CEP120: variants seen among roughly 807,000 people sequenced by gnomAD.
The protein encoded by CEP120 is centrosomal protein of 120 kDa.
Under a neutral mutation model 126.5 loss-of-function variants are expected in CEP120, and 113 were observed. The ratio of observed to expected loss-of-function variants is 0.89; its 90% CI spans 0.77 to 1.04. The LOEUF (loss-of-function observed/expected upper bound fraction) is 1.04. Ranked by LOEUF, CEP120 falls within the 50% of genes least tolerant of loss-of-function variation. The pLI is 0.00. For missense variants in CEP120, 1,230 were observed against 1,155.7 expected, an observed-to-expected ratio of 1.06 and a Z score of -0.93; for synonymous variants, 400 against 394.3, an observed-to-expected ratio of 1.01 and a Z score of -0.17.
chr5:123,355,733 G>T (rs1769558166), intron 18 of CEP120, among the ~76,000 whole-genome samples: 1 of 151,762 alleles, frequency 6.6e-6, no homozygotes, highest in Non-Finnish European at 1.5e-5. Flanking sequence ...TCTGTAGGTT[G>T]CCTGTTCACT....
Position 123,423,062 on chromosome 5 carries a change from G to A in CEP120, c.-64C>T. On this transcript the variant is annotated 5_prime_UTR_variant, in exon 1 of 20. Transcript: ENST00000306467. ...GGAAGTGAGGTCCAGTTGAGTCGCG[G>A]GTAATCCGGGACCCCCGGCGGGACC... 3.5e-6 allele frequency: 5 copies of A among 1,412,954 alleles called. No individual in the cohort carries two copies. Among genetic ancestry groups the A allele is most frequent in the Non-Finnish European group, 5.0e-6 (5 of 1,000,590 alleles). The allele number at this position is 1,412,954 out of a possible 1,614,324, so 87.5% of individuals were successfully genotyped here.
chr5:123,368,025 C>A (rs923506711), intron 17 of CEP120, among the ~76,000 whole-genome samples: 1 of 151,846 alleles, frequency 6.6e-6, no homozygotes, highest in African/African-American at 2.4e-5. Context: ...CTTAAACATG[C>A]TGGATGAATG....
At chr5:123,389,258 G>A (rs562921120) in intron 8 of CEP120, among the ~76,000 whole-genome samples, 1 of 152,130 alleles carries the variant, frequency 6.6e-6, no homozygotes, top group East Asian at 1.9e-4. Context: ...GATCAAAAAT[G>A]GTTATTATGA....
intron 9 of CEP120, among the ~76,000 whole-genome samples, chr5:123,387,972 ATTATAATACAG>A (rs1233911836): frequency 6.6e-6 from 1 of 152,078 alleles, no homozygotes; most frequent in Non-Finnish European, 1.5e-5. Flanking sequence ...ATGAGCTCCC[ATTATAATACAG>A]TTTTATAGAA....
chr5:123,355,493 T>G (rs528357908), intron 18 of CEP120, among the ~76,000 whole-genome samples: 1 of 151,498 alleles, frequency 6.6e-6, no homozygotes, highest in Non-Finnish European at 1.5e-5. Flanking sequence ...TGGTGTGAGA[T>G]AGTATCTCAT....
At chr5:123,360,591 A>ATGTT (rs546063553) in intron 18 of CEP120, among the ~76,000 whole-genome samples, 2 of 151,088 alleles carry the variant, frequency 1.3e-5, no homozygotes, top group Non-Finnish European at 3.0e-5. Context: ...AGGTATCTGA[A>ATGTT]TGTTTGTGAT....
At chr5:123,372,583 CATT>C in intron 17 of CEP120, 64 bp downstream of exon 17, 1 of 1,426,856 alleles carries the variant, frequency 7.0e-7, no homozygotes, top group Non-Finnish European at 9.9e-7. Flanking sequence ...ATTGTATACA[CATT>C]ATTGATTGAT....
At position 123,423,367 on chromosome 5, in the gene CEP120, C is replaced by T. The variant is rs572365687; in HGVS notation, c.-369G>A. 9.0e-5 allele frequency: 29 copies of T among 322,898 alleles called. No individual in the cohort carries two copies. The highest frequency in any genetic ancestry group is 7.3e-4 in the South Asian group (22 of 30,162). The allele number at this position is 322,898 out of a possible 1,614,324, so 20.0% of individuals were successfully genotyped here. A position where few individuals can be genotyped will look rare whatever the true frequency, so the allele number is the denominator to read the frequency against. ...CCCAGCTTCCGCCTAGCAACCAGGC[C>T]CGCAGGCCCAGTGCCCAGGGGAGGT... On this transcript the variant is annotated 5_prime_UTR_variant, in exon 1 of 20. Coordinates refer to ENST00000306467, the MANE Select transcript of CEP120 (RefSeq NM_001375405.1).
At chr5:123,408,561 T>C (rs1773846247) in intron 4 of CEP120, among the ~76,000 whole-genome samples, 1 of 152,002 alleles carries the variant, frequency 6.6e-6, no homozygotes, top group South Asian at 2.1e-4. Context: ...ATGCCAAAAC[T>C]CATACAAGAG....
intron 5 of CEP120, among the ~76,000 whole-genome samples, chr5:123,396,014 A>G (rs1184164082): frequency 1.4e-5 from 2 of 146,540 alleles, no homozygotes; most frequent in East Asian, 4.0e-4. Flanking sequence ...TTTTTACTAT[A>G]AAGATGGAGG....
intron 4 of CEP120, chr5:123,402,442 C>CA (rs1261380450): frequency 5.1e-6 from 5 of 973,158 alleles, no homozygotes; most frequent in South Asian, 5.4e-5. Context: ...TTTATTGAGA[C>CA]AGAGTCTTGC....
At chr5:123,350,563 C>T (rs148058861) in intron 18 of CEP120, among the ~76,000 whole-genome samples, 2 of 152,270 alleles carry the variant, frequency 1.3e-5, no homozygotes, top group East Asian at 3.9e-4. Flanking sequence ...AATGAACTGT[C>T]AATACAATGA....
chr5:123,422,467 C>G (rs879882205), intron 1 of CEP120: 25 of 1,524,054 alleles, frequency 1.6e-5, no homozygotes, highest in Non-Finnish European at 2.0e-5. Flanking sequence ...CAAAACACAC[C>G]TTTTAAGGAA....
At chr5:123,369,004 C>A (rs1294116026) in intron 17 of CEP120, among the ~76,000 whole-genome samples, 1 of 151,292 alleles carries the variant, frequency 6.6e-6, no homozygotes, top group Non-Finnish European at 1.5e-5. Flanking sequence ...AATAAAGGGA[C>A]CCTGAGTCAA....
At chr5:123,388,753 G>T in intron 8 of CEP120, 147 bp from the exon 9 acceptor site, 1 of 520,058 alleles carries the variant, frequency 1.9e-6, no homozygotes, top group Non-Finnish European at 3.2e-6. Context: ...TGAGGTATAA[G>T]TATCTTAAAA....
intron 4 of CEP120, among the ~76,000 whole-genome samples, chr5:123,404,417 G>T (rs1018151845): frequency 6.6e-6 from 1 of 152,256 alleles, no homozygotes; most frequent in Middle Eastern, 3.4e-3. Flanking sequence ...TGATATTTGG[G>T]TCCAAAGGCC....
chr5:123,410,422 C>T (rs1316950884), intron 4 of CEP120, among the ~76,000 whole-genome samples: 1 of 152,194 alleles, frequency 6.6e-6, no homozygotes, highest in African/African-American at 2.4e-5. Context: ...AGGACTGACA[C>T]TGACTTCAAG....
intron 4 of CEP120, chr5:123,401,002 T>C (rs1478097224): frequency 2.0e-5 from 31 of 1,552,310 alleles, no homozygotes; most frequent in Non-Finnish European, 2.5e-5. Flanking sequence ...CTGGAGTAGC[T>C]GGTGCGGCTG....
chr5:123,382,325 TAAAAAAAAAA>T (rs200376887), intron 13 of CEP120, 125 bp from the exon 14 acceptor site: 3 of 219,872 alleles, frequency 1.4e-5, no homozygotes, highest in East Asian at 8.4e-5. Context: ...TTTTTTATTC[TAAAAAAAAAA>T]AAAAAAAAAA....
Sources: allele counts gnomAD v4.1 joint callset (sites outside exome capture counted in the v4.1 genomes callset), GRCh38; gene constraint gnomAD v4.1.1; transcripts MANE v1.5; gene names NCBI Gene and HGNC (gene_info 2026-07-23, HGNC 2026-07-21).